ZNF490: variants seen among roughly 807,000 people sequenced by gnomAD.
ZNF490 encodes zinc finger protein 490.
In ZNF490, 11 loss-of-function variants were observed where a neutral mutation model predicts 17.7. That is an observed-to-expected ratio of 0.62 (90% CI 0.39 to 1.03). The LOEUF (loss-of-function observed/expected upper bound fraction) is 1.03, where lower values mean the gene tolerates loss of function less well. ZNF490 is among the 50% of genes least tolerant of loss of function. ZNF490 has a pLI of 0.00. For missense variants in ZNF490, 542 were observed against 643.4 expected (o/e 0.84, Z 1.71); for synonymous variants, 222 against 216.1 (o/e 1.03, Z -0.24).
intron 3 of ZNF490, 87 bp from the exon 4 acceptor site, chr19:12,582,997 T>A: frequency 3.5e-5 from 39 of 1,112,952 alleles, no homozygotes; most frequent in Non-Finnish European, 4.9e-5. Context: ...TAGCTATTGA[T>A]TAGCTATGAC....
At position 12,580,371 on chromosome 19, in the gene ZNF490, C is replaced by T. The variant is rs7247513; in HGVS notation, c.*114G>A. On this transcript the variant is annotated 3_prime_UTR_variant, in exon 5 of 5. Coordinates refer to ENST00000311437, the MANE Select transcript of ZNF490 (RefSeq NM_020714.3). ...GTCACGTCTTCAAAGGGAATTAGGA[C>T]AACTGAAGGCTTAATCACACCGTTT... The T allele has an allele frequency of 0.64, 947,766 of 1,478,468 alleles. 313,605 individuals are homozygous for T. The highest frequency in any genetic ancestry group is 0.69 in the Non-Finnish European group (769,069 of 1,119,032). The allele number at this position is 1,478,468 out of a possible 1,614,324, so 91.6% of individuals were successfully genotyped here. A position where few individuals can be genotyped will look rare whatever the true frequency, so the allele number is the denominator to read the frequency against.
chr19:12,601,173 G>C (rs1239951948), intron 2 of ZNF490, among the ~76,000 whole-genome samples: 2 of 151,582 alleles, frequency 1.3e-5, no homozygotes, highest in Non-Finnish European at 2.9e-5. Context: ...TAGATCACGA[G>C]GTCAGGAGAT....
At chr19:12,588,420 A>G (rs2022827540) in intron 2 of ZNF490, among the ~76,000 whole-genome samples, 1 of 152,212 alleles carries the variant, frequency 6.6e-6, no homozygotes, top group Admixed American at 6.6e-5. Flanking sequence ...CACCAAGAAG[A>G]CAAGGCAATC....
intron 2 of ZNF490, among the ~76,000 whole-genome samples, chr19:12,599,579 CCACCTGGTCCATAATTAAAAT>C (rs2022977227): frequency 6.6e-6 from 1 of 152,144 alleles, no homozygotes; most frequent in African/African-American, 2.4e-5. Context: ...CCTAGGCTCC[CCACCTGGTCCATAATTAAAAT>C]CACTTACCAG....
intron 2 of ZNF490, among the ~76,000 whole-genome samples, 200 bp from the exon 3 acceptor site, chr19:12,583,756 G>GCTCTCTCTCTCT (rs1195574032): frequency 7.7e-4 from 23 of 29,720 alleles, no homozygotes; most frequent in South Asian, 4.2e-3. Flanking sequence ...AAATTATTGC[G>GCTCTCTCTCTCT]CTCTCTCTCT....
Position 12,577,468 on chromosome 19 carries a change from T to C in ZNF490, c.*3017A>G, listed in dbSNP as rs1568276156. On this transcript the variant is annotated 3_prime_UTR_variant, in exon 5 of 5. Transcript: ENST00000311437. ...CTCAAGAATGTGAAAGGACCTGAAA[T>C]GGGTTGAGTAATAATGTTCCAACCC... is the stretch of plus-strand genomic sequence containing the variant. The C allele has an allele frequency of 1.0e-6, 1 of 985,314 alleles. No individual in the cohort carries two copies. 61.0% of individuals were successfully genotyped at this position (985,314 alleles called of 1,614,324 possible). A position where few individuals can be genotyped will look rare whatever the true frequency, so the allele number is the denominator to read the frequency against.
At chr19:12,581,921 A>C (rs1158987658) in intron 4 of ZNF490, among the ~76,000 whole-genome samples, 197 bp from the exon 5 acceptor site, 3 of 152,204 alleles carry the variant, frequency 2.0e-5, no homozygotes, top group African/African-American at 7.2e-5. Context: ...TAGTTAAAAA[A>C]AAATTATTAT....
chr19:12,606,354 T>G (rs936100860), intron 2 of ZNF490, among the ~76,000 whole-genome samples: 6 of 150,672 alleles, frequency 4.0e-5, no homozygotes, highest in Non-Finnish European at 8.9e-5. Flanking sequence ...TTTTTTTTTT[T>G]TTTTTTTTGA....
intron 2 of ZNF490, among the ~76,000 whole-genome samples, chr19:12,598,204 C>T (rs898774058): frequency 3.3e-5 from 5 of 149,856 alleles, no homozygotes; most frequent in Non-Finnish European, 5.9e-5. Flanking sequence ...AGCCTGGTGG[C>T]AGAGCGAGAC....
intron 2 of ZNF490, among the ~76,000 whole-genome samples, chr19:12,607,223 C>G (rs2023079155): frequency 6.7e-6 from 1 of 150,188 alleles, no homozygotes; most frequent in Non-Finnish European, 1.5e-5. Context: ...TGGAGTCTCA[C>G]TCTGTCACCC....
rs1489344783 is a variant in ZNF490, at chr19:12,578,920, AAG to A, written c.*1563_*1564del. ...AGATGTTCCCATATTGCTTACATTTAAGAAGGTGGCTCTCCAGTGTGGGTGGT... is the reference window on the plus strand; with the variant it reads ...AGATGTTCCCATATTGCTTACATTTAAAGGTGGCTCTCCAGTGTGGGTGGT... On this transcript the variant is annotated 3_prime_UTR_variant, in exon 5 of 5. Coordinates refer to ENST00000311437, the MANE Select transcript of ZNF490 (RefSeq NM_020714.3). 4.8e-5 allele frequency: 47 copies of A among 985,362 alleles called. No individual in the cohort carries two copies. Among genetic ancestry groups the A allele is most frequent in the Non-Finnish European group, 5.5e-5 (46 of 829,970 alleles). The allele number at this position is 985,362 out of a possible 1,614,324, so 61.0% of individuals were successfully genotyped here.
rs2022952891 is a variant in ZNF490, at chr19:12,597,771, T to C, written c.162+11387A>G. 2.6e-5 allele frequency among the ~76,000 whole-genome samples: 4 copies of C among 152,164 alleles called. No individual in the cohort carries two copies. In the South Asian group the frequency reaches 8.3e-4, roughly 31 times the overall value. ...AATCTTCCTGATGTTGTAGCATGTG[T>C]CAGAATTTACTTCCTTTTAAGACAT... On this transcript the variant is annotated intron_variant, in intron 2 of 4. Transcript: ENST00000311437.
chr19:12,596,497 C>G (rs889484033), intron 2 of ZNF490, among the ~76,000 whole-genome samples: 1 of 152,004 alleles, frequency 6.6e-6, no homozygotes, highest in Non-Finnish European at 1.5e-5. Context: ...ATGAGCAACA[C>G]AGCAAGACCC....
chr19:12,598,799 C>T (rs1290611867), intron 2 of ZNF490, among the ~76,000 whole-genome samples: 2 of 151,228 alleles, frequency 1.3e-5, no homozygotes, highest in Admixed American at 1.3e-4. Flanking sequence ...CCAGCCTGGC[C>T]AACACAGTGA....
intron 2 of ZNF490, among the ~76,000 whole-genome samples, chr19:12,604,951 C>T (rs35623806): frequency 1.0e-3 from 152 of 152,044 alleles, no homozygotes; most frequent in African/African-American, 3.5e-3. Flanking sequence ...GTCAGGAGTT[C>T]GAGACCAGCC....
intron 3 of ZNF490, 96 bp downstream of exon 3, chr19:12,583,334 T>C: frequency 1.4e-6 from 2 of 1,419,146 alleles, no homozygotes; most frequent in Non-Finnish European, 1.9e-6. Context: ...CCACCGTGCC[T>C]GGCCCCTTCC....
At chr19:12,603,638 A>G (rs1212729793) in intron 2 of ZNF490, among the ~76,000 whole-genome samples, 2 of 152,048 alleles carry the variant, frequency 1.3e-5, no homozygotes, top group Admixed American at 1.3e-4. Flanking sequence ...TAAAAATAGA[A>G]AAAAATAGCC....
At chr19:12,584,231 A>T (rs541083365) in intron 2 of ZNF490, among the ~76,000 whole-genome samples, 1 of 90,320 alleles carries the variant, frequency 1.1e-5, no homozygotes, top group South Asian at 2.9e-4. Context: ...ATCTTGGCTC[A>T]CTGCAACCTC....
chr19:12,610,273 A>C (rs1468889374), intron 1 of ZNF490, among the ~76,000 whole-genome samples: 3 of 149,982 alleles, frequency 2.0e-5, no homozygotes, highest in Non-Finnish European at 4.4e-5. Flanking sequence ...TCCTGGAGTC[A>C]AGCGATCCAC....
Sources: gnomAD v4.1 joint callset for allele counts (sites outside exome capture counted in the v4.1 genomes callset) on GRCh38, gnomAD v4.1.1 for gene constraint, MANE v1.5 for transcripts, NCBI Gene and HGNC (gene_info 2026-07-23, HGNC 2026-07-21) for gene names.